The following DLGAP2 variants were observed in gnomAD, a reference collection of about 807,000 sequenced individuals.
DLGAP2 encodes DLG associated protein 2.
In DLGAP2, 26 loss-of-function variants were observed where a neutral mutation model predicts 100.3. That is an observed-to-expected ratio of 0.26 (90% CI 0.19 to 0.36). The LOEUF is 0.36. Ranked by LOEUF, DLGAP2 falls within the 10% of genes least tolerant of loss-of-function variation. DLGAP2 has a pLI of 1.00. For synonymous variants in DLGAP2, 886 were observed against 630.1 expected (o/e 1.41, Z -6.08); for missense variants, 1,858 against 1,453.2 (o/e 1.28, Z -4.53).
chr8:1,689,219 C>T lies in DLGAP2; in HGVS notation c.2705-2316C>T, dbSNP rs191242730. 3.1e-3 allele frequency among the ~76,000 whole-genome samples: 475 copies of T among 152,268 alleles called. 4 individuals carry two copies. The highest frequency in any genetic ancestry group is 0.011 in the African/African-American group (451 of 41,550). Reference sequence around the variant, plus strand: ...GGTGTGCCCTGGGAGCCAGCAGGGGCATCTCCTAAACGTAGAAAGAAACGG... The same window carrying T: ...GGTGTGCCCTGGGAGCCAGCAGGGGTATCTCCTAAACGTAGAAAGAAACGG... On this transcript the variant is annotated intron_variant, in intron 12 of 14. Transcript: ENST00000637795.
At position 912,881 on chromosome 8, in the gene DLGAP2, T is replaced by G. The variant is rs548885439; in HGVS notation, c.73+4915T>G. Among the ~76,000 whole-genome samples the G allele has an allele frequency of 6.1e-3, 929 of 151,986 alleles. 7 individuals are homozygous for G. The highest frequency in any genetic ancestry group is 0.018 in the South Asian group (87 of 4,784). On this transcript the variant is annotated intron_variant, in intron 2 of 14. Coordinates refer to ENST00000637795, the MANE Select transcript of DLGAP2 (RefSeq NM_001346810.2). ...ACCACGGTGCCCGCCTTCCTCTCTG[T>G]GGAGCTGGATCCCCGCACTGTGGTG...
At chr8:1,045,333 C>G (rs548726813) in intron 2 of DLGAP2, among the ~76,000 whole-genome samples, 1 of 152,318 alleles carries the variant, frequency 6.6e-6, no homozygotes, top group East Asian at 1.9e-4. Context: ...CCAGCGTATA[C>G]TCAACACCCC....
intron 3 of DLGAP2, among the ~76,000 whole-genome samples, chr8:1,306,041 A>G: frequency 6.6e-6 from 1 of 150,390 alleles, no homozygotes; most frequent in East Asian, 1.9e-4. Context: ...TCTACTCATC[A>G]TAGTAGTAGA....
At chr8:1,205,618 G>A (rs987091303) in intron 2 of DLGAP2, among the ~76,000 whole-genome samples, 8 of 152,180 alleles carry the variant, frequency 5.3e-5, no homozygotes, top group Non-Finnish European at 1.2e-4. Flanking sequence ...GACGTGGTGC[G>A]TGAACCAGCC....
At chr8:1,383,591 G>T (rs1796143465) in intron 3 of DLGAP2, among the ~76,000 whole-genome samples, 2 of 152,274 alleles carry the variant, frequency 1.3e-5, no homozygotes, top group South Asian at 2.1e-4. Flanking sequence ...TTTTTGGGGA[G>T]GCTCAAAGGC....
chr8:1,226,199 C>G (rs1381702385), intron 2 of DLGAP2, among the ~76,000 whole-genome samples: 1 of 152,006 alleles, frequency 6.6e-6, no homozygotes, highest in South Asian at 2.1e-4. Context: ...AAGCACTGTT[C>G]ACAAGAGCAA....
intron 2 of DLGAP2, among the ~76,000 whole-genome samples, chr8:1,207,716 C>G (rs1048748978): frequency 6.6e-6 from 1 of 152,186 alleles, no homozygotes; most frequent in Non-Finnish European, 1.5e-5. Flanking sequence ...TTACCACATT[C>G]ATGCCAACAT....
intron 3 of DLGAP2, among the ~76,000 whole-genome samples, chr8:1,432,804 C>T (rs1387078494): frequency 6.6e-6 from 1 of 152,188 alleles, no homozygotes; most frequent in Non-Finnish European, 1.5e-5. Context: ...TTGGATTAAA[C>T]CAGGTTCAGC....
At chr8:1,581,292 C>A (rs548474319) in intron 6 of DLGAP2, among the ~76,000 whole-genome samples, 43 of 149,180 alleles carry the variant, frequency 2.9e-4, no homozygotes, top group African/African-American at 9.1e-4. Flanking sequence ...ACAGACAAAA[C>A]CCCACACACA....
chr8:1,298,497 C>T (rs146568529), intron 3 of DLGAP2, among the ~76,000 whole-genome samples: 3 of 152,142 alleles, frequency 2.0e-5, no homozygotes, highest in Non-Finnish European at 4.4e-5. Flanking sequence ...TGAGTGTGCT[C>T]CTCTGGCCCC....
At chr8:1,407,707 A>G (rs112529592) in intron 3 of DLGAP2, among the ~76,000 whole-genome samples, 2 of 100,134 alleles carry the variant, frequency 2.0e-5, no homozygotes, top group Non-Finnish European at 2.1e-5. Context: ...CATCCTCCAG[A>G]GTCGTGTATT....
chr8:1,442,229 G>A (rs532769911), intron 3 of DLGAP2, among the ~76,000 whole-genome samples: 10 of 103,406 alleles, frequency 9.7e-5, no homozygotes, highest in East Asian at 7.6e-4. Flanking sequence ...CGGGGGAGAC[G>A]GACCCAGGCA....
At position 792,510 on chromosome 8, in the gene DLGAP2, C is replaced by T. The variant is rs1237836923; in HGVS notation, c.18+54685C>T. ...GTTTCATCATTGCATGAATGTTTGT[C>T]AGAGTTAAGGTAAATTACCTTTTAT... On this transcript the variant is annotated intron_variant, in intron 1 of 14. Transcript: ENST00000637795. Among the ~76,000 whole-genome samples, 3 of 152,282 alleles carry T rather than the reference C, an allele frequency of 2.0e-5. No individual in the cohort carries two copies. The East Asian group carries it at 5.8e-4, about 29-fold the overall frequency.
At chr8:1,285,321 T>C (rs554270850) in intron 3 of DLGAP2, among the ~76,000 whole-genome samples, 2 of 152,368 alleles carry the variant, frequency 1.3e-5, no homozygotes, top group South Asian at 4.1e-4. Context: ...TGCATACATT[T>C]ATTTTTTTAA....
At chr8:1,542,377 C>G (rs1196546324) in intron 4 of DLGAP2, among the ~76,000 whole-genome samples, 1 of 152,222 alleles carries the variant, frequency 6.6e-6, no homozygotes, top group Non-Finnish European at 1.5e-5. Flanking sequence ...AAAAAGCAAC[C>G]CTGTGCCTTA....
At chr8:883,583 C>T (rs13273024) in intron 1 of DLGAP2, among the ~76,000 whole-genome samples, 68,905 of 150,806 alleles carry the variant, frequency 0.46, 16,397 homozygotes, top group Non-Finnish European at 0.53. Context: ...GCGTGTGCCG[C>T]GGCGGTTCGT....
chr8:1,110,018 C>T lies in DLGAP2; in HGVS notation c.74-148833C>T, dbSNP rs1168177109. Among the ~76,000 whole-genome samples the T allele has an allele frequency of 3.0e-5, 4 of 131,708 alleles. No individual in the cohort carries two copies. The East Asian group carries it at 9.5e-4, about 31-fold the overall frequency. The allele number at this position is 131,708 out of a possible 152,430, so 86.4% of individuals were successfully genotyped here. Reference sequence around the variant, plus strand: ...CATGGGTCTGTGACATGTGCTGGGTCTGTGAGGTGTGCACGTGCCTATGAA... The same window carrying T: ...CATGGGTCTGTGACATGTGCTGGGTTTGTGAGGTGTGCACGTGCCTATGAA... On this transcript the variant is annotated intron_variant, in intron 2 of 14. Coordinates refer to ENST00000637795, the MANE Select transcript of DLGAP2 (RefSeq NM_001346810.2).
At chr8:1,012,808 C>A (rs1277896347) in intron 2 of DLGAP2, among the ~76,000 whole-genome samples, 1 of 151,480 alleles carries the variant, frequency 6.6e-6, no homozygotes, top group South Asian at 2.1e-4. Flanking sequence ...ACCCTCTGAC[C>A]AGCCCCCTAC....
At chr8:1,686,035 A>G (rs1316875107) in intron 12 of DLGAP2, among the ~76,000 whole-genome samples, 1 of 152,244 alleles carries the variant, frequency 6.6e-6, no homozygotes, top group Non-Finnish European at 1.5e-5. Context: ...AACTAGAAAT[A>G]GAACCACCAT....
Sources: gnomAD v4.1 joint callset for allele counts (sites outside exome capture counted in the v4.1 genomes callset) on GRCh38, gnomAD v4.1.1 for gene constraint, MANE v1.5 for transcripts, NCBI Gene and HGNC (gene_info 2026-07-23, HGNC 2026-07-21) for gene names.